The following TRPM7 variants were observed in gnomAD, a reference collection of about 807,000 sequenced individuals.
The protein encoded by TRPM7 is transient receptor potential cation channel subfamily M member 7.
TRPM7 carries 134 observed loss-of-function variants against 229.7 expected under a neutral mutation model. That is an observed-to-expected ratio of 0.58 (90% CI 0.51 to 0.67). TRPM7 has a LOEUF of 0.67. TRPM7 is among the 30% of genes least tolerant of loss of function. The probability of loss-of-function intolerance (pLI) is 0.00; values close to 1 mark genes in which losing one functional copy is unlikely to be tolerated. For synonymous variants in TRPM7, 699 were observed against 715.2 expected (o/e 0.98, Z 0.36); for missense variants, 1,901 against 2,210.0 (o/e 0.86, Z 2.80).
chr15:50,634,673 A>C, intron 7 of TRPM7, 117 bp from the exon 8 acceptor site: 1 of 734,970 alleles, frequency 1.4e-6, no homozygotes, highest in Non-Finnish European at 2.0e-6. Context: ...AAAAAAAATT[A>C]AAAAGTAAAA....
At chr15:50,605,907 A>G (rs1275017815) in intron 20 of TRPM7, among the ~76,000 whole-genome samples, 3 of 152,208 alleles carry the variant, frequency 2.0e-5, no homozygotes, top group East Asian at 1.9e-4. Flanking sequence ...AAGCTATCTA[A>G]TAAGAAATTC....
chr15:50,595,294 C>A (rs1402713596), intron 23 of TRPM7, among the ~76,000 whole-genome samples: 1 of 151,438 alleles, frequency 6.6e-6, no homozygotes, highest in Non-Finnish European at 1.5e-5. Context: ...CCTATTTAGA[C>A]TTAAGTGCAA....
Position 50,639,337 on chromosome 15 carries a change from C to A in TRPM7, c.660+87G>T, listed in dbSNP as rs991793682. 12 of 1,162,318 alleles carry A rather than the reference C, an allele frequency of 1.0e-5. No individual in the cohort carries two copies. In the African/African-American group the frequency reaches 1.9e-4, roughly 18 times the overall value. The allele number at this position is 1,162,318 out of a possible 1,614,324, so 72.0% of individuals were successfully genotyped here. A position where few individuals can be genotyped will look rare whatever the true frequency, so the allele number is the denominator to read the frequency against. On this transcript the variant is annotated intron_variant, in intron 6 of 38. Coordinates refer to ENST00000646667, the MANE Select transcript of TRPM7 (RefSeq NM_017672.6). ...CTTAATTTGAAAAGTATAATATAAT[C>A]ATAAATATTTTAAACTGGCACTATT...
intron 38 of TRPM7, among the ~76,000 whole-genome samples, chr15:50,562,431 C>CA (rs887943742): frequency 6.6e-6 from 1 of 151,818 alleles, no homozygotes; most frequent in Non-Finnish European, 1.5e-5. Flanking sequence ...TAGTGGGTGA[C>CA]AAAAAATAAG....
chr15:50,672,637 C>T (rs933381898), intron 1 of TRPM7, among the ~76,000 whole-genome samples: 2 of 151,590 alleles, frequency 1.3e-5, no homozygotes, highest in Admixed American at 6.6e-5. Flanking sequence ...TAGCCAGGTG[C>T]GGTGGCTCAC....
chr15:50,567,744 A>G (rs770999275), intron 38 of TRPM7, among the ~76,000 whole-genome samples: 6 of 151,602 alleles, frequency 4.0e-5, no homozygotes, highest in African/African-American at 1.2e-4. Context: ...AAAGATGCAG[A>G]AAAAAAAATC....
chr15:50,641,925 G>A (rs1380051519), intron 5 of TRPM7, among the ~76,000 whole-genome samples: 5 of 151,600 alleles, frequency 3.3e-5, no homozygotes, highest in African/African-American at 1.2e-4. Context: ...ACTTGAACCC[G>A]GGAGGTGGAG....
At chr15:50,685,972 T>TCC (rs2062351293) in intron 1 of TRPM7, among the ~76,000 whole-genome samples, 1 of 152,148 alleles carries the variant, frequency 6.6e-6, no homozygotes, top group African/African-American at 2.4e-5. Flanking sequence ...GTCAAATCCC[T>TCC]CCCTTTTGGT....
At chr15:50,646,371 T>C (rs2061265413) in intron 4 of TRPM7, among the ~76,000 whole-genome samples, 1 of 152,134 alleles carries the variant, frequency 6.6e-6, no homozygotes, top group African/African-American at 2.4e-5. Context: ...CAGCCTCAAC[T>C]TCTCAGGCTC....
intron 1 of TRPM7, among the ~76,000 whole-genome samples, chr15:50,682,139 C>T (rs979159346): frequency 7.6e-5 from 9 of 118,202 alleles, no homozygotes; most frequent in Non-Finnish European, 1.4e-4. Flanking sequence ...CATCGCGCCA[C>T]CGCAAGCCTG....
At chr15:50,659,772 A>T (rs2061680550) in intron 2 of TRPM7, among the ~76,000 whole-genome samples, 1 of 151,848 alleles carries the variant, frequency 6.6e-6, no homozygotes, top group Admixed American at 6.6e-5. Context: ...GATTCAAGCA[A>T]CTCTCCTGCC....
intron 1 of TRPM7, among the ~76,000 whole-genome samples, chr15:50,664,213 G>A (rs764341674): frequency 6.0e-5 from 9 of 150,220 alleles, no homozygotes; most frequent in South Asian, 2.1e-4. Flanking sequence ...CAGGAGAATC[G>A]CTTGAACCAG....
intron 27 of TRPM7, chr15:50,588,201 GGCATCTCT>G (rs2059392599): frequency 1.9e-5 from 19 of 982,680 alleles, no homozygotes; most frequent in Non-Finnish European, 2.3e-5. Context: ...CTCATATTTA[GGCATCTCT>G]GTATACTCCA....
At position 50,560,718 on chromosome 15, in the gene TRPM7, C is replaced by G. The variant is rs919018921; in HGVS notation, c.*960G>C. The G allele has an allele frequency of 1.3e-5, 2 of 152,564 alleles. No homozygotes were observed. The highest frequency in any genetic ancestry group is 2.9e-5 in the Non-Finnish European group (2 of 68,028). The allele number at this position is 152,564 out of a possible 1,614,324, so 9.5% of individuals were successfully genotyped here. A position where few individuals can be genotyped will look rare whatever the true frequency, so the allele number is the denominator to read the frequency against. Reference sequence around the variant, plus strand: ...GAATTAATTTCTTAAGTACCACAAACAGCATTCATGTTCAAATGTTCCAAC... The same window carrying G: ...GAATTAATTTCTTAAGTACCACAAAGAGCATTCATGTTCAAATGTTCCAAC... On this transcript the variant is annotated 3_prime_UTR_variant, in exon 39 of 39. Coordinates refer to ENST00000646667, the MANE Select transcript of TRPM7 (RefSeq NM_017672.6).
At position 50,653,968 on chromosome 15, in the gene TRPM7, C is replaced by T. The variant is rs562357914; in HGVS notation, c.122+3813G>A. 1.1e-3 allele frequency among the ~76,000 whole-genome samples: 173 copies of T among 152,186 alleles called. 2 individuals are homozygous for T. The highest frequency in any genetic ancestry group is 6.8e-3 in the Middle Eastern group (2 of 294). ...ACACTCAATTGAGAACACAAAAAAG[C>T]TATACCTTAAGAGGAAGGTCCACAT... On this transcript the variant is annotated intron_variant, in intron 3 of 38. Transcript: ENST00000646667.
rs1420567039 is a variant in TRPM7 at position 50,570,151 on chromosome 15, A to G, written c.5313T>C (p.Val1771=). The G allele has an allele frequency of 6.2e-7, 1 of 1,606,804 alleles. No individual in the cohort carries two copies. The highest frequency in any genetic ancestry group is 8.5e-7 in the Non-Finnish European group (1 of 1,176,186). Residue 1771 remains valine, a synonymous_variant, in exon 37 of 39, where the codon GTT becomes GTC. Coordinates refer to ENST00000646667, the MANE Select transcript of TRPM7 (RefSeq NM_017672.6). The part of the protein sequence containing the change: ...GELLVLDLQG[V]GENLTDPSVI... ...CAGATGGGTCAGTCAAATTTTCACC[A>G]ACACCTTTATATGTGTATATAAAAA...
intron 28 of TRPM7, among the ~76,000 whole-genome samples, chr15:50,584,980 A>T (rs1174008107): frequency 6.7e-6 from 1 of 150,356 alleles, no homozygotes; most frequent in African/African-American, 2.5e-5. Flanking sequence ...GGTTCAAGCG[A>T]TTCTTCTTCC....
At chr15:50,634,596 C>T in intron 7 of TRPM7, 40 bp from the exon 8 acceptor site, 2 of 1,322,304 alleles carry the variant, frequency 1.5e-6, no homozygotes, top group Non-Finnish European at 2.0e-6. Context: ...TATTTCATCC[C>T]AAGCAAGTTT....
intron 9 of TRPM7, among the ~76,000 whole-genome samples, chr15:50,632,229 G>C (rs2060759692): frequency 6.6e-6 from 1 of 151,994 alleles, no homozygotes; most frequent in Admixed American, 6.6e-5. Context: ...GGAGACAGAG[G>C]TTGCAGTGAG....
Sources: allele counts gnomAD v4.1 joint callset (sites outside exome capture counted in the v4.1 genomes callset), GRCh38; gene constraint gnomAD v4.1.1; transcripts MANE v1.5; gene names NCBI Gene and HGNC (gene_info 2026-07-23, HGNC 2026-07-21).